Variants in ZNF609 observed in about 807,000 individuals in gnomAD.
ZNF609 encodes zinc finger protein 609.
In ZNF609, 11 loss-of-function variants were observed where a neutral mutation model predicts 109.5. The ratio of observed to expected loss-of-function variants is 0.10; its 90% CI spans 0.06 to 0.17. The LOEUF (loss-of-function observed/expected upper bound fraction) is 0.17. ZNF609 is among the 10% of genes least tolerant of loss of function. The pLI, the probability that ZNF609 is intolerant of heterozygous loss-of-function variation, is 1.00. For missense variants in ZNF609, 1,559 were observed against 1,772.4 expected, an observed-to-expected ratio of 0.88 and a Z score of 2.16; for synonymous variants, 646 against 662.0, an observed-to-expected ratio of 0.98 and a Z score of 0.37.
At chr15:64,519,127 G>A (rs1396773277) in intron 2 of ZNF609, among the ~76,000 whole-genome samples, 9 of 141,254 alleles carry the variant, frequency 6.4e-5, no homozygotes, top group African/African-American at 2.3e-4. Flanking sequence ...GGCGGGGGGC[G>A]GGGGGCGGGG....
At chr15:64,463,365 C>T (rs1018795025) in intron 1 of ZNF609, among the ~76,000 whole-genome samples, 4 of 150,148 alleles carry the variant, frequency 2.7e-5, no homozygotes, top group Admixed American at 2.0e-4. Flanking sequence ...CACCGCTGTA[C>T]TCCAGCCTGG....
chr15:64,616,512 AT>A (rs1243906050), intron 2 of ZNF609, among the ~76,000 whole-genome samples: 3 of 125,270 alleles, frequency 2.4e-5, no homozygotes, highest in East Asian at 2.6e-4. Flanking sequence ...TTAAACTGAT[AT>A]CTTTTTTTTT....
At position 64,674,629 on chromosome 15, in the gene ZNF609, A is replaced by T. The variant is rs755480255; in HGVS notation, c.1775A>T (p.Lys592Met). ...KFSTKGLCKK[K>M]LSGEGDTDLG... ...AGCACAAAAGGCCTCTGTAAGAAAA[A>T]GTTGAGTGGGGAAGGGGACACAGAC... is the stretch of plus-strand genomic sequence containing the variant. Residue 592 changes from lysine to methionine, a missense_variant, in exon 5 of 10, where the codon AAG becomes ATG. Coordinates refer to ENST00000326648, the MANE Select transcript of ZNF609 (RefSeq NM_015042.2). The T allele has an allele frequency of 1.5e-5, 25 of 1,614,134 alleles. No individual in the cohort carries two copies. In the Admixed American group the frequency reaches 4.2e-4, roughly 27 times the overall value.
intron 1 of ZNF609, among the ~76,000 whole-genome samples, chr15:64,478,947 A>G (rs1264084406): frequency 2.0e-5 from 3 of 152,220 alleles, no homozygotes; most frequent in African/African-American, 7.2e-5. Context: ...TTGAAAGGAT[A>G]TCAGTTTAAC....
chr15:64,534,756 G>A (rs1229103781), intron 2 of ZNF609, among the ~76,000 whole-genome samples: 1 of 152,018 alleles, frequency 6.6e-6, no homozygotes, highest in Non-Finnish European at 1.5e-5. Flanking sequence ...ATTTAGGCCC[G>A]GTGCAGTGGC....
chr15:64,581,195 C>T (rs1595727079), intron 2 of ZNF609, among the ~76,000 whole-genome samples: 1 of 152,050 alleles, frequency 6.6e-6, no homozygotes, highest in South Asian at 2.1e-4. Flanking sequence ...GCCTAGCCTT[C>T]ACTTTCTGCT....
rs777480048 is a variant in ZNF609, at chr15:64,675,168, G to T, written c.2314G>T (p.Gly772Trp). The change falls in exon 5 of 10, where the codon GGG (glycine) becomes TGG (tryptophan). Residue 772 changes from glycine to tryptophan, a missense_variant. This residue lies in a region of ZNF609 where 1,204 missense variants were observed against 1,314.1 expected (regional missense o/e 0.92). Coordinates refer to ENST00000326648, the MANE Select transcript of ZNF609 (RefSeq NM_015042.2). ...ESSGDGMKME[G>W]LLNGSSDPHQ... ...TTCAGGAGATGGGATGAAAATGGAG[G>T]GGCTCCTAAATGGCTCATCAGACCC... 6.2e-6 allele frequency: 10 copies of T among 1,613,944 alleles called. No individual in the cohort carries two copies. In the Admixed American group the frequency reaches 1.7e-4, roughly 27 times the overall value.
At chr15:64,635,071 T>C (rs993984224) in intron 3 of ZNF609, among the ~76,000 whole-genome samples, 1 of 152,136 alleles carries the variant, frequency 6.6e-6, no homozygotes, top group African/African-American at 2.4e-5. Flanking sequence ...ATTTTGCAAA[T>C]GGCAAAATAG....
chr15:64,676,386 AT>A, intron 5 of ZNF609, 130 bp downstream of exon 5: 1 of 756,050 alleles, frequency 1.3e-6, no homozygotes, highest in Middle Eastern at 3.9e-4. Flanking sequence ...AATTTTAAGG[AT>A]TCTTTACCTT....
chr15:64,606,284 T>C (rs1016523470), intron 2 of ZNF609, among the ~76,000 whole-genome samples: 1 of 151,306 alleles, frequency 6.6e-6, no homozygotes, highest in African/African-American at 2.4e-5. Context: ...GTTAAAACTT[T>C]CTGTAGGCCG....
In ZNF609 at chr15:64,577,208, T is replaced by C. The variant is rs543233920; in HGVS notation, c.748-45619T>C. Among the ~76,000 whole-genome samples, 8 of 85,692 alleles carry C rather than the reference T, an allele frequency of 9.3e-5. 2 individuals carry two copies. Among genetic ancestry groups the C allele is most frequent in the African/African-American group, 3.2e-4 (8 of 25,024 alleles). 56.2% of individuals were successfully genotyped at this position (85,692 alleles called of 152,430 possible). A position where few individuals can be genotyped will look rare whatever the true frequency, so the allele number is the denominator to read the frequency against. On this transcript the variant is annotated intron_variant, in intron 2 of 9. Coordinates refer to ENST00000326648, the MANE Select transcript of ZNF609 (RefSeq NM_015042.2). ...GTGTATATATACACACAAATACATA[T>C]ATATGTATATATATACACACAAATA...
intron 2 of ZNF609, among the ~76,000 whole-genome samples, chr15:64,607,447 A>AAT (rs557587589): frequency 6.2e-4 from 94 of 152,114 alleles, no homozygotes; most frequent in African/African-American, 2.2e-3. Flanking sequence ...CATTGAAAAT[A>AAT]ATATGTTAAT....
chr15:64,516,948 A>G (rs1391736284), intron 2 of ZNF609, among the ~76,000 whole-genome samples: 1 of 152,122 alleles, frequency 6.6e-6, no homozygotes, highest in Non-Finnish European at 1.5e-5. Flanking sequence ...GCAGTCCCTT[A>G]TACTATATCA....
intron 2 of ZNF609, among the ~76,000 whole-genome samples, chr15:64,571,548 A>G (rs1056864895): frequency 5.9e-5 from 9 of 151,990 alleles, no homozygotes; most frequent in African/African-American, 2.2e-4. Context: ...ATTATTCTTC[A>G]CAGCAACCGT....
At chr15:64,587,599 C>A (rs1342726930) in intron 2 of ZNF609, among the ~76,000 whole-genome samples, 1 of 152,100 alleles carries the variant, frequency 6.6e-6, no homozygotes, top group Non-Finnish European at 1.5e-5. Context: ...TGATTATACT[C>A]AAAAAACATT....
chr15:64,645,389 C>T lies in ZNF609; in HGVS notation c.973+22337C>T, dbSNP rs931535091. 2.6e-5 allele frequency among the ~76,000 whole-genome samples: 4 copies of T among 151,888 alleles called. No individual in the cohort carries two copies. In the South Asian group the frequency reaches 6.2e-4, roughly 24 times the overall value. Reference sequence around the variant, plus strand: ...TACAGGCATGAGCCATTGCACTCGGCGTCCTACATTTTCTGCCCCACAACT... The same window carrying T: ...TACAGGCATGAGCCATTGCACTCGGTGTCCTACATTTTCTGCCCCACAACT... On this transcript the variant is annotated intron_variant, in intron 3 of 9. Transcript: ENST00000326648.
intron 3 of ZNF609, among the ~76,000 whole-genome samples, chr15:64,652,006 A>C (rs938065273): frequency 6.6e-6 from 1 of 152,088 alleles, no homozygotes; most frequent in Non-Finnish European, 1.5e-5. Context: ...AACTTAAGAC[A>C]TGAAACCTGA....
chr15:64,502,502 A>G (rs536507259), intron 2 of ZNF609: 4 of 152,276 alleles, frequency 2.6e-5, no homozygotes, highest in Admixed American at 2.0e-4. Context: ...GATGATTAGT[A>G]CTATAATTTA....
chr15:64,654,769 T>A (rs1048746275), intron 3 of ZNF609, among the ~76,000 whole-genome samples: 2 of 152,306 alleles, frequency 1.3e-5, no homozygotes, highest in African/African-American at 4.8e-5. Context: ...ATAGGCTAGA[T>A]ACAATATAGC....
Sources: allele counts gnomAD v4.1 joint callset (sites outside exome capture counted in the v4.1 genomes callset), GRCh38; gene constraint gnomAD v4.1.1; regional missense constraint gnomAD v4.1.1; transcripts MANE v1.5; gene names NCBI Gene and HGNC (gene_info 2026-07-23, HGNC 2026-07-21).